The following ZC3H8 variants were observed in gnomAD, a reference collection of about 807,000 sequenced individuals.
ZC3H8 encodes zinc finger CCCH domain-containing protein 8.
In ZC3H8, 27 loss-of-function variants were observed where a neutral mutation model predicts 42.5. The ratio of observed to expected loss-of-function variants is 0.64; its 90% CI spans 0.47 to 0.88. The LOEUF is 0.88. Ranked by LOEUF, ZC3H8 falls within the 40% of genes least tolerant of loss-of-function variation. The pLI, the probability that ZC3H8 is intolerant of heterozygous loss-of-function variation, is 0.00. For missense variants in ZC3H8, 277 were observed against 336.1 expected (o/e 0.82, Z 1.37); for synonymous variants, 101 against 110.1 (o/e 0.92, Z 0.52).
At chr2:112,232,466 A>C (rs1685139193) in intron 6 of ZC3H8, among the ~76,000 whole-genome samples, 12 of 152,098 alleles carry the variant, frequency 7.9e-5, no homozygotes, top group Admixed American at 7.9e-4. Flanking sequence ...ATGACAGGAC[A>C]TTTTTTTCCT....
rs538302986 is a variant in ZC3H8, at chr2:112,215,900, T to C, written c.*584A>G. ...TAGTAAGAGATATTGTTTCACTTTA[T>C]TTATAATAGTAAGAAACTGGAAACA... On this transcript the variant is annotated 3_prime_UTR_variant, in exon 9 of 9. Transcript: ENST00000409573. 3 of 152,298 alleles carry C rather than the reference T, an allele frequency of 2.0e-5. No homozygotes were observed. The highest frequency in any genetic ancestry group is 4.4e-5 in the Non-Finnish European group (3 of 68,028). 9.4% of individuals were successfully genotyped at this position (152,298 alleles called of 1,614,324 possible).
chr2:112,233,711 CA>C (rs1685192334), intron 5 of ZC3H8, among the ~76,000 whole-genome samples: 1 of 151,806 alleles, frequency 6.6e-6, no homozygotes, highest in East Asian at 1.9e-4. Context: ...ACTAACAATA[CA>C]AAAAAAATTA....
chr2:112,250,072 A>C, intron 2 of ZC3H8, 119 bp downstream of exon 2: 196 of 594,732 alleles, frequency 3.3e-4, no homozygotes, highest in Non-Finnish European at 4.9e-4. Flanking sequence ...GACAAGTAGG[A>C]TCCTTCATTA....
intron 1 of ZC3H8, 31 bp from the exon 2 acceptor site, chr2:112,250,303 A>G (rs1323030153): frequency 6.6e-7 from 1 of 1,512,806 alleles, no homozygotes; most frequent in Non-Finnish European, 8.9e-7. Flanking sequence ...AACACAAAAG[A>G]GTTTTTTCAA....
intron 7 of ZC3H8, among the ~76,000 whole-genome samples, chr2:112,231,280 G>A (rs905455838): frequency 1.3e-5 from 2 of 152,054 alleles, no homozygotes; most frequent in African/African-American, 2.4e-5. Flanking sequence ...CCAGAAGATC[G>A]TATGGTTGGC....
chr2:112,243,751 T>C (rs2104665964), intron 2 of ZC3H8, among the ~76,000 whole-genome samples: 1 of 152,294 alleles, frequency 6.6e-6, no homozygotes, highest in African/African-American at 2.4e-5. Context: ...CTAAAATATT[T>C]ATTGTCTTGT....
intron 7 of ZC3H8, 121 bp from the exon 8 acceptor site, chr2:112,231,071 T>C: frequency 1.7e-6 from 1 of 602,364 alleles, no homozygotes; most frequent in Non-Finnish European, 2.3e-6. Flanking sequence ...CATCTAATAT[T>C]ATTTACTACT....
intron 8 of ZC3H8, among the ~76,000 whole-genome samples, chr2:112,219,957 T>G (rs1011711621): frequency 2.0e-5 from 3 of 152,212 alleles, no homozygotes; most frequent in Admixed American, 2.0e-4. Flanking sequence ...TTGCCTGAAA[T>G]TAGAATAGAC....
At position 112,254,711 on chromosome 2, in the gene ZC3H8, G is replaced by A. The variant is rs1193366849; in HGVS notation, c.74+197C>T. Among the ~76,000 whole-genome samples the A allele has an allele frequency of 2.0e-5, 3 of 152,166 alleles. No individual in the cohort carries two copies. In the South Asian group the frequency reaches 6.2e-4, roughly 32 times the overall value. On this transcript the variant is annotated intron_variant, in intron 1 of 8. Transcript: ENST00000409573. ...CTGACGGCCTAAGCCTGAGCCCCGC[G>A]TTCAGCTTCTGCTCCCACCCGGACC... is the stretch of plus-strand genomic sequence containing the variant.
intron 2 of ZC3H8, among the ~76,000 whole-genome samples, chr2:112,247,826 A>G (rs1428770968): frequency 6.6e-6 from 1 of 151,942 alleles, no homozygotes; most frequent in African/African-American, 2.4e-5. Flanking sequence ...AAGTGGGCAT[A>G]AAAGACTGAG....
chr2:112,226,277 C>T (rs1684826089), intron 8 of ZC3H8, among the ~76,000 whole-genome samples: 1 of 151,272 alleles, frequency 6.6e-6, no homozygotes, highest in Non-Finnish European at 1.5e-5. Context: ...GAAATTGAAT[C>T]TGTTATGTAA....
intron 8 of ZC3H8, among the ~76,000 whole-genome samples, chr2:112,219,706 A>G (rs997779166): frequency 2.6e-5 from 4 of 151,722 alleles, no homozygotes; most frequent in African/African-American, 9.7e-5. Flanking sequence ...GGTCAATTTT[A>G]GAGTATGTGT....
rs1330136146 is a variant in ZC3H8, at chr2:112,211,735, C to G, written c.*4749G>C. Reference sequence around the variant, plus strand: ...ATAATGTGTAGCTCAGAGTAACATACAATAACTAAAAACATGTCTTTTTTT... The same window carrying G: ...ATAATGTGTAGCTCAGAGTAACATAGAATAACTAAAAACATGTCTTTTTTT... On this transcript the variant is annotated 3_prime_UTR_variant, in exon 9 of 9. Transcript: ENST00000409573. The G allele has an allele frequency of 6.8e-6, 1 of 147,940 alleles. No homozygotes were observed. The highest frequency in any genetic ancestry group is 1.5e-5 in the Non-Finnish European group (1 of 65,672). 9.2% of individuals were successfully genotyped at this position (147,940 alleles called of 1,614,324 possible).
rs114195994 is a variant in ZC3H8, at chr2:112,231,711, T to C, written c.843+127A>G. The C allele has an allele frequency of 4.7e-3, 2,013 of 430,922 alleles. 14 individuals are homozygous for C. The highest frequency in any genetic ancestry group is 7.1e-3 in the Non-Finnish European group (1,750 of 248,220). 26.7% of individuals were successfully genotyped at this position (430,922 alleles called of 1,614,324 possible). On this transcript the variant is annotated intron_variant, in intron 7 of 8. Transcript: ENST00000409573. ...TATTTAAACTGAATTCTTAAGTTAT[T>C]AGTCCTAATATATCCCATATGCTAA...
Position 112,236,605 on chromosome 2 carries a change from T to C in ZC3H8, c.461A>G (p.Lys154Arg). 3 of 1,614,040 alleles carry C rather than the reference T, an allele frequency of 1.9e-6. No individual in the cohort carries two copies. The highest frequency in any genetic ancestry group is 2.5e-6 in the Non-Finnish European group (3 of 1,179,892). The change falls in exon 4 of 9, where the codon AAA becomes AGA. Residue 154 changes from lysine to arginine, a missense_variant. Physicochemically the swap from Lys to Arg is conservative, Grantham distance 26. Coordinates refer to ENST00000409573, the MANE Select transcript of ZC3H8 (RefSeq NM_032494.3). Reference sequence around the variant, plus strand: ...GTTCCTCAGCAAAGCATTTGATCCTTTGTTTCCAGGGCCAGGCCATTTTCG... The same window carrying C: ...GTTCCTCAGCAAAGCATTTGATCCTCTGTTTCCAGGGCCAGGCCATTTTCG... ...MKRKWPGPGN[K>R]GSNALLRNSG... is the part of the protein sequence containing the mutation.
At chr2:112,224,424 T>G (rs1175474853) in intron 8 of ZC3H8, among the ~76,000 whole-genome samples, 2 of 152,196 alleles carry the variant, frequency 1.3e-5, no homozygotes, top group Non-Finnish European at 2.9e-5. Flanking sequence ...TGACAGAGTT[T>G]CTACCAGAAA....
In ZC3H8 at chr2:112,216,981, CT is replaced by C. The variant is rs557843362; in HGVS notation, c.*16-514del. On this transcript the variant is annotated intron_variant, in intron 8 of 8. Coordinates refer to ENST00000409573, the MANE Select transcript of ZC3H8 (RefSeq NM_032494.3). ...AACAAATGTGAATGGTCTTAATCCA[CT>C]TATCAAAAGAAAAAGATTTTTGGTT... 4.0e-3 allele frequency among the ~76,000 whole-genome samples: 611 copies of C among 152,298 alleles called. 1 individual carries two copies. Among genetic ancestry groups the C allele is most frequent in the Non-Finnish European group, 6.7e-3 (456 of 68,006 alleles).
chr2:112,221,110 C>T (rs1399041323), intron 8 of ZC3H8, among the ~76,000 whole-genome samples: 1 of 152,168 alleles, frequency 6.6e-6, no homozygotes, highest in African/African-American at 2.4e-5. Flanking sequence ...TAGATTTGGT[C>T]TCTTTACATA....
chr2:112,235,007 C>T (rs954648705), intron 4 of ZC3H8, among the ~76,000 whole-genome samples: 1 of 151,884 alleles, frequency 6.6e-6, no homozygotes, highest in African/African-American at 2.4e-5. Flanking sequence ...ACTAGAAATA[C>T]ACCGTCAAAG....
Sources: gnomAD v4.1 joint callset for allele counts (sites outside exome capture counted in the v4.1 genomes callset) on GRCh38, gnomAD v4.1.1 for gene constraint, MANE v1.5 for transcripts, NCBI Gene and HGNC (gene_info 2026-07-23, HGNC 2026-07-21) for gene names.